ZCCHC24: variants seen among roughly 807,000 people sequenced by gnomAD.
ZCCHC24 encodes zinc finger CCHC-type containing 24, also known as zinc finger CCHC domain-containing protein 24.
A neutral mutation model predicts 26.2 loss-of-function variants in ZCCHC24; 10 were observed. The observed-to-expected ratio is 0.38, with a 90% CI of 0.24 to 0.65. The LOEUF is 0.65. Among genes scored for constraint, ZCCHC24 ranks in the 30% least tolerant of loss-of-function variants. The pLI, the probability that ZCCHC24 is intolerant of heterozygous loss-of-function variation, is 0.54. For missense variants in ZCCHC24, 243 were observed against 329.1 expected (o/e 0.74, Z 2.03); for synonymous variants, 144 against 147.1 (o/e 0.98, Z 0.15).
At chr10:79,399,975 C>T (rs557853137) in intron 2 of ZCCHC24, among the ~76,000 whole-genome samples, 4 of 152,182 alleles carry the variant, frequency 2.6e-5, no homozygotes, top group Non-Finnish European at 5.9e-5. Flanking sequence ...GCTGAGGGGG[C>T]CTTTGCCCTG....
chr10:79,392,057 C>G (rs1350907924), intron 3 of ZCCHC24, among the ~76,000 whole-genome samples: 2 of 152,026 alleles, frequency 1.3e-5, no homozygotes, highest in Non-Finnish European at 2.9e-5. Flanking sequence ...TCCCTCTCCA[C>G]CGGTCCCGTC....
At chr10:79,426,930 A>G (rs960819557) in intron 2 of ZCCHC24, among the ~76,000 whole-genome samples, 3 of 152,220 alleles carry the variant, frequency 2.0e-5, no homozygotes, top group African/African-American at 4.8e-5. Context: ...AAGATCAACT[A>G]TATGCTATCT....
At position 79,383,619 on chromosome 10, in the gene ZCCHC24, T is replaced by C. The variant is rs544558065; in HGVS notation, c.*2726A>G. 2.1e-5 allele frequency: 3 copies of C among 145,938 alleles called. No homozygotes were observed. The highest frequency in any genetic ancestry group is 2.2e-4 in the South Asian group (1 of 4,628). 9.0% of individuals were successfully genotyped at this position (145,938 alleles called of 1,614,324 possible). On this transcript the variant is annotated 3_prime_UTR_variant, in exon 4 of 4. Transcript: ENST00000372336. Reference sequence around the variant, plus strand: ...TTTAATCTCAAAAATCAAACAATTATATTTTTCTTTTCTTTTTTTTTTTTT... The same window carrying C: ...TTTAATCTCAAAAATCAAACAATTACATTTTTCTTTTCTTTTTTTTTTTTT...
intron 3 of ZCCHC24, 118 bp from the exon 4 acceptor site, chr10:79,386,576 G>A (rs1856400976): frequency 2.8e-6 from 2 of 722,248 alleles, no homozygotes; most frequent in Non-Finnish European, 4.5e-6. Context: ...ACAGGGAGGG[G>A]ACCAGACAGA....
At chr10:79,403,643 G>A in intron 2 of ZCCHC24, 1 of 970,444 alleles carries the variant, frequency 1.0e-6, no homozygotes, top group Non-Finnish European at 1.2e-6. Context: ...TCTGCGCACA[G>A]CCGTCCTCGC....
At chr10:79,408,855 C>A (rs1181361980) in intron 2 of ZCCHC24, among the ~76,000 whole-genome samples, 1 of 152,210 alleles carries the variant, frequency 6.6e-6, no homozygotes, top group Non-Finnish European at 1.5e-5. Flanking sequence ...GCTCTGTGAC[C>A]TGGGATAAGC....
intron 2 of ZCCHC24, among the ~76,000 whole-genome samples, chr10:79,402,668 C>T (rs1252770609): frequency 6.6e-6 from 1 of 152,194 alleles, no homozygotes. Context: ...GTGCCACACG[C>T]TTTCTGACCT....
At chr10:79,393,023 C>T (rs778157756) in intron 3 of ZCCHC24, among the ~76,000 whole-genome samples, 2 of 152,192 alleles carry the variant, frequency 1.3e-5, no homozygotes, top group Non-Finnish European at 2.9e-5. Flanking sequence ...TAGGACTCCA[C>T]ACCCCCTGGT....
At chr10:79,393,824 C>G (rs1449495792) in intron 3 of ZCCHC24, among the ~76,000 whole-genome samples, 1 of 152,094 alleles carries the variant, frequency 6.6e-6, no homozygotes, top group African/African-American at 2.4e-5. Flanking sequence ...TCCCCCCATC[C>G]TCCAGGTCCC....
At chr10:79,437,329 A>G (rs1218537702) in intron 1 of ZCCHC24, among the ~76,000 whole-genome samples, 2 of 152,210 alleles carry the variant, frequency 1.3e-5, no homozygotes, top group South Asian at 2.1e-4. Flanking sequence ...CTGGGATTAC[A>G]GGCATGAGTC....
chr10:79,403,389 G>A (rs926563479), intron 2 of ZCCHC24: 84 of 985,318 alleles, frequency 8.5e-5, no homozygotes, highest in Non-Finnish European at 1.0e-4. Flanking sequence ...CTGTGGTACT[G>A]CTTTAGGGAC....
intron 2 of ZCCHC24, among the ~76,000 whole-genome samples, chr10:79,424,598 C>T (rs930696370): frequency 3.7e-4 from 56 of 152,328 alleles, no homozygotes; most frequent in African/African-American, 1.3e-3. Flanking sequence ...AGCGTTCTTG[C>T]CTCCTTCAGC....
chr10:79,445,383 G>C lies in ZCCHC24; in HGVS notation c.58C>G (p.Leu20Val), dbSNP rs1170171971. 3.9e-6 allele frequency: 6 copies of C among 1,521,510 alleles called. No individual in the cohort carries two copies. Among genetic ancestry groups the C allele is most frequent in the Non-Finnish European group, 5.3e-6 (6 of 1,135,638 alleles). 94.3% of individuals were successfully genotyped at this position (1,521,510 alleles called of 1,614,324 possible). A position where few individuals can be genotyped will look rare whatever the true frequency, so the allele number is the denominator to read the frequency against. The part of the protein sequence containing the change: ...SAASVYQPAQ[L>V]LNWVYLSLQD... ...AGCGACAGGTAGACCCAGTTGAGCA[G>C]CTGGGCGGGCTGGTACACCGAGGCG... Residue 20 changes from leucine to valine, a missense_variant, in exon 1 of 4, where the codon CTG (leucine) becomes GTG (valine). Leu to Val is a conservative substitution (Grantham distance 32). Transcript: ENST00000372336.
At chr10:79,439,042 C>T (rs186788471) in intron 1 of ZCCHC24, among the ~76,000 whole-genome samples, 1 of 152,380 alleles carries the variant, frequency 6.6e-6, no homozygotes, top group East Asian at 1.9e-4. Context: ...TGGAGTACCA[C>T]TGAGGCTTGC....
chr10:79,443,079 A>G (rs2132227520), intron 1 of ZCCHC24, among the ~76,000 whole-genome samples: 1 of 152,308 alleles, frequency 6.6e-6, no homozygotes, highest in Non-Finnish European at 1.5e-5. Flanking sequence ...GACTAAATTT[A>G]ACAGATAGGT....
intron 2 of ZCCHC24, among the ~76,000 whole-genome samples, chr10:79,428,389 A>G (rs1857063548): frequency 1.0e-5 from 1 of 95,434 alleles, no homozygotes. Flanking sequence ...CAATGGGTAC[A>G]GTATTTCAGT....
At chr10:79,394,631 T>G in intron 2 of ZCCHC24, 191 bp from the exon 3 acceptor site, 1 of 985,352 alleles carries the variant, frequency 1.0e-6, no homozygotes, top group Non-Finnish European at 1.2e-6. Context: ...GGGAGGCACA[T>G]AGGGAACAGA....
At chr10:79,440,482 C>T (rs1188322071) in intron 1 of ZCCHC24, among the ~76,000 whole-genome samples, 4 of 152,188 alleles carry the variant, frequency 2.6e-5, no homozygotes, top group East Asian at 3.9e-4. Flanking sequence ...AGGATGGCCC[C>T]GTCCAGACGG....
intron 2 of ZCCHC24, among the ~76,000 whole-genome samples, chr10:79,415,324 C>T (rs1166091760): frequency 6.6e-6 from 1 of 152,076 alleles, no homozygotes; most frequent in African/African-American, 2.4e-5. Context: ...TCCCTTGGCC[C>T]CTTGAAGTCA....
Sources: gnomAD v4.1 joint callset for allele counts (sites outside exome capture counted in the v4.1 genomes callset) on GRCh38, gnomAD v4.1.1 for gene constraint, MANE v1.5 for transcripts, NCBI Gene and HGNC (gene_info 2026-07-23, HGNC 2026-07-21) for gene names.